The following EXOC4 variants were observed in gnomAD, a reference collection of about 807,000 sequenced individuals.
The protein encoded by EXOC4 is exocyst complex component 4, also known as SEC8-like 1.
A neutral mutation model predicts 107.2 loss-of-function variants in EXOC4; 71 were observed. The ratio of observed to expected loss-of-function variants is 0.66; its 90% CI spans 0.55 to 0.81. EXOC4 has a LOEUF of 0.81. Ranked by LOEUF, EXOC4 falls within the 30% of genes least tolerant of loss-of-function variation. The pLI is 0.00. For missense variants in EXOC4, 1,108 were observed against 1,189.6 expected (o/e 0.93, Z 1.01); for synonymous variants, 456 against 441.2 (o/e 1.03, Z -0.42).
intron 7 of EXOC4, among the ~76,000 whole-genome samples, chr7:133,468,642 A>G (rs1337983404): frequency 6.6e-6 from 1 of 152,026 alleles, no homozygotes; most frequent in Admixed American, 6.5e-5. Flanking sequence ...GGGTAAGACT[A>G]TACTTTCTGC....
intron 5 of EXOC4, among the ~76,000 whole-genome samples, chr7:133,336,087 A>G (rs1795505279): frequency 6.6e-6 from 1 of 152,194 alleles, no homozygotes; most frequent in South Asian, 2.1e-4. Context: ...TATTCTGTAT[A>G]TTAACACATT....
At chr7:133,895,538 T>G in intron 11 of EXOC4, 61 bp from the exon 12 acceptor site, 1 of 1,544,226 alleles carries the variant, frequency 6.5e-7, no homozygotes, top group Non-Finnish European at 8.9e-7. Context: ...GGAGTTGTCC[T>G]TCCTTGTCCA....
rs564573561 is a variant in EXOC4 at position 134,065,429 on chromosome 7, T to C, written c.*901T>C. ...CAGGGAAGATGGGACAGAGTGACATTTCTCCTCTGTGCGGCCTCCAGCTGA... is the reference window on the plus strand; with the variant it reads ...CAGGGAAGATGGGACAGAGTGACATCTCTCCTCTGTGCGGCCTCCAGCTGA... On this transcript the variant is annotated 3_prime_UTR_variant, in exon 18 of 18. Transcript: ENST00000253861. The C allele has an allele frequency of 2.0e-5, 3 of 152,302 alleles. No homozygotes were observed. In the South Asian group the frequency reaches 6.2e-4, roughly 32 times the overall value. The allele number at this position is 152,302 out of a possible 1,614,324, so 9.4% of individuals were successfully genotyped here.
At chr7:133,528,173 A>G (rs927579485) in intron 9 of EXOC4, among the ~76,000 whole-genome samples, 6 of 152,320 alleles carry the variant, frequency 3.9e-5, no homozygotes, top group Non-Finnish European at 8.8e-5. Flanking sequence ...TCTATGTGAC[A>G]TGATAGAACA....
intron 9 of EXOC4, among the ~76,000 whole-genome samples, chr7:133,626,987 T>C (rs1261294927): frequency 1.3e-5 from 2 of 152,230 alleles, no homozygotes; most frequent in Non-Finnish European, 2.9e-5. Context: ...TCTCATCTAA[T>C]TGCTATAACA....
chr7:133,568,186 A>G (rs10245258), intron 9 of EXOC4, among the ~76,000 whole-genome samples: 95,261 of 151,940 alleles, frequency 0.63, 30,994 homozygotes, highest in South Asian at 0.73. Context: ...CTGTCTCCTC[A>G]TATTATTTTG....
At chr7:133,887,193 G>A (rs575010810) in intron 11 of EXOC4, among the ~76,000 whole-genome samples, 20 of 152,210 alleles carry the variant, frequency 1.3e-4, no homozygotes, top group Non-Finnish European at 2.2e-4. Context: ...CACAATTCTC[G>A]TCAGCTGAAA....
intron 17 of EXOC4, among the ~76,000 whole-genome samples, chr7:134,058,974 C>G (rs1795992812): frequency 6.6e-6 from 1 of 152,096 alleles, no homozygotes; most frequent in Admixed American, 6.6e-5. Flanking sequence ...ATTCTACAAT[C>G]AAGACAGATT....
At chr7:133,576,628 T>G (rs1304912678) in intron 9 of EXOC4, 38 of 1,289,624 alleles carry the variant, frequency 2.9e-5, no homozygotes, top group Non-Finnish European at 3.5e-5. Flanking sequence ...ACCTAGCTAT[T>G]GCTAAATGTG....
At chr7:133,603,671 A>G (rs1801863417) in intron 9 of EXOC4, among the ~76,000 whole-genome samples, 1 of 152,224 alleles carries the variant, frequency 6.6e-6, no homozygotes, top group Non-Finnish European at 1.5e-5. Context: ...TACAGTTTAA[A>G]GGTGAAAATG....
intron 11 of EXOC4, among the ~76,000 whole-genome samples, chr7:133,879,544 A>C (rs1798920788): frequency 6.6e-6 from 1 of 152,306 alleles, no homozygotes; most frequent in South Asian, 2.1e-4. Flanking sequence ...TTCAAAGACA[A>C]TTTTGTTTTA....
At chr7:133,845,431 CTAGATATATAA>C (rs1798107188) in intron 11 of EXOC4, among the ~76,000 whole-genome samples, 1 of 145,110 alleles carries the variant, frequency 6.9e-6, no homozygotes, top group Non-Finnish European at 1.5e-5. Context: ...CTTATATATA[CTAGATATATAA>C]GATATATATA....
intron 9 of EXOC4, among the ~76,000 whole-genome samples, chr7:133,584,992 G>C (rs985096590): frequency 3.3e-5 from 5 of 152,284 alleles, no homozygotes; most frequent in African/African-American, 4.8e-5. Context: ...TGGCATTCAA[G>C]GCTCTTTGGA....
At chr7:134,016,201 A>T (rs1794905280) in intron 17 of EXOC4, among the ~76,000 whole-genome samples, 1 of 152,192 alleles carries the variant, frequency 6.6e-6, no homozygotes, top group South Asian at 2.1e-4. Flanking sequence ...GACATCTAAC[A>T]TGCAACTGGA....
chr7:134,058,674 AG>A (rs1795986196), intron 17 of EXOC4, among the ~76,000 whole-genome samples: 1 of 151,858 alleles, frequency 6.6e-6, no homozygotes, highest in South Asian at 2.1e-4. Flanking sequence ...ACAAAGAAAG[AG>A]CTGAGTATGG....
At chr7:133,621,505 C>T (rs527994427) in intron 9 of EXOC4, among the ~76,000 whole-genome samples, 45 of 152,312 alleles carry the variant, frequency 3.0e-4, no homozygotes, top group South Asian at 2.9e-3. Context: ...CTGACATGGA[C>T]GTTTCCAACA....
At chr7:133,731,330 A>C (rs1327341653) in intron 10 of EXOC4, among the ~76,000 whole-genome samples, 2 of 152,164 alleles carry the variant, frequency 1.3e-5, no homozygotes, top group East Asian at 3.9e-4. Flanking sequence ...CCCGTTAACC[A>C]ATAACTTCTT....
At chr7:133,256,330 C>T (rs987930337) in intron 1 of EXOC4, among the ~76,000 whole-genome samples, 1 of 152,152 alleles carries the variant, frequency 6.6e-6, no homozygotes, top group Non-Finnish European at 1.5e-5. Flanking sequence ...TTATCTCCTC[C>T]TATCTTTAAC....
intron 10 of EXOC4, among the ~76,000 whole-genome samples, chr7:133,718,564 C>T (rs200012813): frequency 6.6e-6 from 1 of 152,084 alleles, no homozygotes; most frequent in African/African-American, 2.4e-5. Flanking sequence ...CTTGCACTAC[C>T]GAGGTTAAGA....
Sources: gnomAD v4.1 joint callset for allele counts (sites outside exome capture counted in the v4.1 genomes callset) on GRCh38, gnomAD v4.1.1 for gene constraint, MANE v1.5 for transcripts, NCBI Gene and HGNC (gene_info 2026-07-23, HGNC 2026-07-21) for gene names.